ZCCHC7: variants seen among roughly 807,000 people sequenced by gnomAD.
ZCCHC7 encodes zinc finger CCHC domain-containing protein 7.
ZCCHC7 carries 35 observed loss-of-function variants against 52.0 expected under a neutral mutation model. The observed-to-expected ratio is 0.67, with a 90% CI of 0.51 to 0.89. The LOEUF (loss-of-function observed/expected upper bound fraction) is 0.89. Among genes scored for constraint, ZCCHC7 ranks in the 40% least tolerant of loss-of-function variants. The probability of loss-of-function intolerance (pLI) is 0.00; values close to 1 mark genes in which losing one functional copy is unlikely to be tolerated. For missense variants in ZCCHC7, 574 were observed against 649.1 expected (o/e 0.88, Z 1.26); for synonymous variants, 217 against 221.5 (o/e 0.98, Z 0.18).
intron 2 of ZCCHC7, among the ~76,000 whole-genome samples, chr9:37,251,808 TAG>T (rs1399612804): frequency 6.6e-6 from 1 of 152,178 alleles, no homozygotes; most frequent in Non-Finnish European, 1.5e-5. Flanking sequence ...CAGGGGTAAC[TAG>T]AGAGTATCAC....
intron 2 of ZCCHC7, among the ~76,000 whole-genome samples, chr9:37,263,001 A>G (rs554492799): frequency 6.6e-6 from 1 of 152,328 alleles, no homozygotes; most frequent in East Asian, 1.9e-4. Flanking sequence ...TGTTCTTTTC[A>G]TAGAAGATTT....
At chr9:37,138,936 T>G (rs1351553448) in intron 2 of ZCCHC7, among the ~76,000 whole-genome samples, 1 of 152,008 alleles carries the variant, frequency 6.6e-6, no homozygotes, top group Admixed American at 6.6e-5. Flanking sequence ...AAATTTGATG[T>G]GAGCTACATA....
chr9:37,148,040 A>G (rs947136002), intron 2 of ZCCHC7, among the ~76,000 whole-genome samples: 11 of 152,098 alleles, frequency 7.2e-5, no homozygotes, highest in Non-Finnish European at 1.5e-4. Context: ...CTATACTTGC[A>G]TCTGTCAGTA....
intron 2 of ZCCHC7, among the ~76,000 whole-genome samples, chr9:37,261,675 TG>T (rs1321697851): frequency 6.6e-6 from 1 of 152,202 alleles, no homozygotes. Context: ...GAAAAAGGCT[TG>T]GAAGTACTAC....
intron 2 of ZCCHC7, among the ~76,000 whole-genome samples, chr9:37,162,002 C>G (rs1029997727): frequency 9.9e-5 from 15 of 152,182 alleles, no homozygotes; most frequent in African/African-American, 3.6e-4. Context: ...CAACTCTCTT[C>G]TACTTCACAT....
intron 2 of ZCCHC7, among the ~76,000 whole-genome samples, chr9:37,190,907 A>C (rs1425967862): frequency 6.6e-6 from 1 of 152,030 alleles, no homozygotes; most frequent in Non-Finnish European, 1.5e-5. Flanking sequence ...CTGTAATCCC[A>C]GCTACTTGGG....
rs997919748 is a variant in ZCCHC7 at position 37,155,254 on chromosome 9, G to C, written c.610+28312G>C. Among the ~76,000 whole-genome samples the C allele has an allele frequency of 1.3e-5, 2 of 152,042 alleles. 1 individual carries two copies. Among genetic ancestry groups the C allele is most frequent in the Admixed American group, 1.3e-4 (2 of 15,270 alleles). ...TGGGCGCACGTAGTCCCGGCTACTC[G>C]GGAGGCTGAGGCGGGAGAATGGTGT... On this transcript the variant is annotated intron_variant, in intron 2 of 8. Coordinates refer to ENST00000336755, the MANE Select transcript of ZCCHC7 (RefSeq NM_032226.3).
intron 2 of ZCCHC7, among the ~76,000 whole-genome samples, chr9:37,130,112 A>G (rs1241580962): frequency 2.0e-5 from 3 of 151,656 alleles, no homozygotes; most frequent in African/African-American, 7.3e-5. Flanking sequence ...GGTGGCAGGC[A>G]CCTGTAATCC....
chr9:37,310,988 A>C (rs1159430980), intron 5 of ZCCHC7, among the ~76,000 whole-genome samples: 1 of 151,096 alleles, frequency 6.6e-6, no homozygotes, highest in East Asian at 1.9e-4. Flanking sequence ...AAATCAATAT[A>C]TTATAAAACA....
At chr9:37,337,950 T>C (rs1191420346) in intron 6 of ZCCHC7, among the ~76,000 whole-genome samples, 7 of 152,296 alleles carry the variant, frequency 4.6e-5, no homozygotes, top group African/African-American at 1.7e-4. Context: ...ATTGGAAATA[T>C]TTAAATAGGG....
rs1293997953 is a variant in ZCCHC7 at position 37,126,568 on chromosome 9, A to T, written c.236A>T (p.Asp79Val). The T allele has an allele frequency of 6.2e-7, 1 of 1,614,190 alleles. No individual in the cohort carries two copies. Among genetic ancestry groups the T allele is most frequent in the Non-Finnish European group, 8.5e-7 (1 of 1,180,038 alleles). Residue 79 changes from aspartate (D) to valine (V), a missense_variant, in exon 2 of 9, where the codon GAT becomes GTT. Coordinates refer to ENST00000336755, the MANE Select transcript of ZCCHC7 (RefSeq NM_032226.3). The stretch of plus-strand genomic sequence containing the variant: ...CAGAAGAAGCTAATCGTCCTTTCAG[A>T]TAGTGAGGTCATCCAGCTGTCAGAT... ...PNQKKLIVLS[D>V]SEVIQLSDGS...
chr9:37,171,649 G>C (rs940256457), intron 2 of ZCCHC7, among the ~76,000 whole-genome samples: 7 of 151,796 alleles, frequency 4.6e-5, no homozygotes, highest in African/African-American at 1.7e-4. Context: ...CTAACTCCTA[G>C]GCTCAGGCAA....
At chr9:37,168,346 G>A (rs1425457607) in intron 2 of ZCCHC7, among the ~76,000 whole-genome samples, 1 of 152,142 alleles carries the variant, frequency 6.6e-6, no homozygotes, top group Non-Finnish European at 1.5e-5. Context: ...GTTGGAAGTG[G>A]AAGTCTGCTA....
chr9:37,319,087 ACTGT>A (rs1829949890), intron 5 of ZCCHC7, among the ~76,000 whole-genome samples: 1 of 152,008 alleles, frequency 6.6e-6, no homozygotes, highest in Non-Finnish European at 1.5e-5. Flanking sequence ...ATAGATGTAT[ACTGT>A]CTATCTTATT....
intron 2 of ZCCHC7, among the ~76,000 whole-genome samples, chr9:37,294,132 T>A (rs1052486804): frequency 4.6e-5 from 7 of 152,180 alleles, no homozygotes; most frequent in Non-Finnish European, 8.8e-5. Context: ...AAGTATAAAT[T>A]TGAGAAAACC....
rs758355391 is a variant in ZCCHC7, at chr9:37,222,051, G to C, written c.611-80137G>C. 2.6e-5 allele frequency among the ~76,000 whole-genome samples: 4 copies of C among 152,220 alleles called. No individual in the cohort carries two copies. The South Asian group carries it at 6.2e-4, about 24-fold the overall frequency. The stretch of plus-strand genomic sequence containing the variant: ...AAATGAACAGAGGGATAGTAAGGGA[G>C]AGTTGATCAGATGGAAGAGCATACA... On this transcript the variant is annotated intron_variant, in intron 2 of 8. Coordinates refer to ENST00000336755, the MANE Select transcript of ZCCHC7 (RefSeq NM_032226.3).
intron 2 of ZCCHC7, among the ~76,000 whole-genome samples, chr9:37,257,072 C>G (rs1826626771): frequency 6.6e-6 from 1 of 152,080 alleles, no homozygotes; most frequent in African/African-American, 2.4e-5. Context: ...TTGAATAGAG[C>G]ATTTTCAACA....
chr9:37,210,084 TG>T (rs1313287244), intron 2 of ZCCHC7, among the ~76,000 whole-genome samples: 1 of 152,194 alleles, frequency 6.6e-6, no homozygotes, highest in African/African-American at 2.4e-5. Context: ...CTTGGCTCTC[TG>T]GTTTATTGTC....
intron 2 of ZCCHC7, among the ~76,000 whole-genome samples, chr9:37,188,365 G>C (rs879310202): frequency 6.6e-5 from 10 of 151,684 alleles, no homozygotes; most frequent in Non-Finnish European, 1.3e-4. Flanking sequence ...TGTTGCCCCA[G>C]TCTGGTCTCG....
Sources: gnomAD v4.1 joint callset for allele counts (sites outside exome capture counted in the v4.1 genomes callset) on GRCh38, gnomAD v4.1.1 for gene constraint, MANE v1.5 for transcripts, NCBI Gene and HGNC (gene_info 2026-07-23, HGNC 2026-07-21) for gene names.